Variants in CDH12 observed in about 807,000 individuals in gnomAD.
CDH12 encodes the protein cadherin 12, also known as cadherin-12.
A neutral mutation model predicts 74.1 loss-of-function variants in CDH12; 41 were observed. That is an observed-to-expected ratio of 0.55 (90% CI 0.43 to 0.72). The LOEUF (loss-of-function observed/expected upper bound fraction) is 0.72. CDH12 is among the 30% of genes least tolerant of loss of function. CDH12 has a pLI of 0.00. For missense variants in CDH12, 945 were observed against 977.2 expected (o/e 0.97, Z 0.44); for synonymous variants, 399 against 355.0 (o/e 1.12, Z -1.39).
At chr5:22,680,896 C>G (rs1194223628) in intron 1 of CDH12, among the ~76,000 whole-genome samples, 2 of 151,962 alleles carry the variant, frequency 1.3e-5, no homozygotes, top group African/African-American at 4.8e-5. Context: ...ATACCTTACT[C>G]CTTCACTGAT....
intron 1 of CDH12, among the ~76,000 whole-genome samples, chr5:22,616,427 G>T (rs780444767): frequency 1.3e-5 from 2 of 151,976 alleles, no homozygotes; most frequent in African/African-American, 2.4e-5. Flanking sequence ...AAAATATCAA[G>T]ATATATATGA....
At chr5:22,816,731 C>T (rs1380939924) in intron 1 of CDH12, among the ~76,000 whole-genome samples, 1 of 152,096 alleles carries the variant, frequency 6.6e-6, no homozygotes, top group Non-Finnish European at 1.5e-5. Flanking sequence ...TAGCCTGAGT[C>T]CCAGAATGAA....
At chr5:22,239,495 T>C (rs1733635222) in intron 3 of CDH12, among the ~76,000 whole-genome samples, 1 of 151,992 alleles carries the variant, frequency 6.6e-6, no homozygotes, top group Admixed American at 6.6e-5. Flanking sequence ...AAGATTTAAA[T>C]GTTAAAATAC....
chr5:22,020,729 T>A (rs950915637), intron 5 of CDH12, among the ~76,000 whole-genome samples: 22 of 151,934 alleles, frequency 1.4e-4, no homozygotes, highest in African/African-American at 5.1e-4. Context: ...TGAGAGGCCA[T>A]CAATTGTATT....
intron 4 of CDH12, among the ~76,000 whole-genome samples, chr5:22,205,577 C>A (rs1446843614): frequency 6.6e-6 from 1 of 151,852 alleles, no homozygotes; most frequent in African/African-American, 2.4e-5. Flanking sequence ...AGAAATATGG[C>A]AGTTGAGATT....
intron 3 of CDH12, among the ~76,000 whole-genome samples, chr5:22,301,647 T>C (rs749587218): frequency 6.6e-6 from 1 of 152,206 alleles, no homozygotes; most frequent in Non-Finnish European, 1.5e-5. Context: ...TAATTTTTTT[T>C]TCAAGACAGG....
At chr5:22,481,988 G>A (rs1404175444) in intron 2 of CDH12, among the ~76,000 whole-genome samples, 8 of 152,108 alleles carry the variant, frequency 5.3e-5, no homozygotes, top group Non-Finnish European at 8.8e-5. Flanking sequence ...TATCAATTAT[G>A]CACCAATGAA....
intron 1 of CDH12, among the ~76,000 whole-genome samples, chr5:22,818,898 ATG>A (rs906310633): frequency 2.0e-5 from 3 of 152,128 alleles, no homozygotes; most frequent in Non-Finnish European, 2.9e-5. Flanking sequence ...TGTAAATAAT[ATG>A]TGTTTTGTGT....
At chr5:21,810,328 G>A (rs1347171772) in intron 9 of CDH12, among the ~76,000 whole-genome samples, 1 of 152,102 alleles carries the variant, frequency 6.6e-6, no homozygotes, top group Non-Finnish European at 1.5e-5. Flanking sequence ...TGGCAAAAAG[G>A]AGTCAGGAAG....
intron 5 of CDH12, among the ~76,000 whole-genome samples, chr5:22,016,731 T>A (rs1459430266): frequency 6.6e-6 from 1 of 152,088 alleles, no homozygotes; most frequent in Non-Finnish European, 1.5e-5. Flanking sequence ...TCACTCAGTA[T>A]AAGAATATCT....
intron 7 of CDH12, among the ~76,000 whole-genome samples, chr5:21,852,054 T>A (rs552945296): frequency 5.3e-5 from 8 of 151,428 alleles, no homozygotes; most frequent in Non-Finnish European, 1.0e-4. Context: ...GCTATATGGC[T>A]GGAACAAATG....
At chr5:21,818,405 AT>A (rs1332920248) in intron 8 of CDH12, among the ~76,000 whole-genome samples, 5 of 152,138 alleles carry the variant, frequency 3.3e-5, no homozygotes, top group African/African-American at 1.2e-4. Flanking sequence ...TCTTGTAGAG[AT>A]TCTGCCAGAT....
intron 6 of CDH12, among the ~76,000 whole-genome samples, chr5:21,914,181 C>A (rs556210769): frequency 6.6e-6 from 1 of 152,146 alleles, no homozygotes; most frequent in African/African-American, 2.4e-5. Context: ...GGGCTTTTGA[C>A]GTGAAAAACC....
chr5:22,071,427 T>C (rs1741931735), intron 5 of CDH12, among the ~76,000 whole-genome samples: 1 of 152,184 alleles, frequency 6.6e-6, no homozygotes, highest in Non-Finnish European at 1.5e-5. Flanking sequence ...TCTGGATCAC[T>C]AGTTACCAAA....
intron 3 of CDH12, among the ~76,000 whole-genome samples, chr5:22,323,581 G>T (rs191657168): frequency 1.2e-3 from 182 of 152,174 alleles, no homozygotes; most frequent in African/African-American, 3.7e-3. Flanking sequence ...TGACGTAAAG[G>T]CTCAAATTTG....
intron 6 of CDH12, among the ~76,000 whole-genome samples, chr5:21,879,339 G>A (rs1752118693): frequency 6.6e-6 from 1 of 152,166 alleles, no homozygotes; most frequent in Non-Finnish European, 1.5e-5. Flanking sequence ...GAAAAGATAA[G>A]AGCCATTCTA....
intron 1 of CDH12, among the ~76,000 whole-genome samples, chr5:22,793,215 CAG>C (rs1404844467): frequency 6.6e-6 from 1 of 152,200 alleles, no homozygotes; most frequent in Non-Finnish European, 1.5e-5. Flanking sequence ...TCCAATCTTT[CAG>C]AGAGTTGTCT....
chr5:22,371,178 G>A (rs1198051192), intron 3 of CDH12, among the ~76,000 whole-genome samples: 1 of 152,084 alleles, frequency 6.6e-6, no homozygotes, highest in Non-Finnish European at 1.5e-5. Context: ...TTTAGTAACT[G>A]TAATTTGTCT....
intron 2 of CDH12, among the ~76,000 whole-genome samples, chr5:22,476,191 C>T (rs991325901): frequency 6.6e-6 from 1 of 151,876 alleles, no homozygotes; most frequent in Non-Finnish European, 1.5e-5. Flanking sequence ...TTTTCATTAA[C>T]GTTGATATTA....
Sources: allele counts gnomAD v4.1 joint callset (sites outside exome capture counted in the v4.1 genomes callset), GRCh38; gene constraint gnomAD v4.1.1; transcripts MANE v1.5; gene names NCBI Gene and HGNC (gene_info 2026-07-23, HGNC 2026-07-21).